PUDP: variants seen among roughly 807,000 people sequenced by gnomAD.
PUDP encodes pseudouridine-5'-phosphatase.
In PUDP, 8 loss-of-function variants were observed where a neutral mutation model predicts 9.4. The ratio of observed to expected loss-of-function variants is 0.85; its 90% CI spans 0.50 to 1.53. The LOEUF (loss-of-function observed/expected upper bound fraction) is 1.53, where lower values mean the gene tolerates loss of function less well. Ranked by LOEUF, PUDP falls within the 40% of genes most tolerant of loss-of-function variation. The pLI, the probability that PUDP is intolerant of heterozygous loss-of-function variation, is 0.00. For synonymous variants in PUDP, 99 were observed against 80.7 expected (o/e 1.23, Z -1.22); for missense variants, 188 against 189.7 (o/e 0.99, Z 0.05).
At chrX:6,729,663 C>T (rs1370612320) in intron 3 of PUDP, among the ~76,000 whole-genome samples, 1 of 111,651 alleles carries the variant, frequency 9.0e-6, no homozygotes, top group African/African-American at 3.3e-5. Context: ...CCCACACATA[C>T]ACACACACTC....
At chrX:6,957,819 G>C (rs925425607) in intron 3 of PUDP, among the ~76,000 whole-genome samples, 1 of 112,122 alleles carries the variant, frequency 8.9e-6, no homozygotes, top group Non-Finnish European at 1.9e-5. Context: ...GAACTTGTTA[G>C]AGATTACTTA....
chrX:7,036,604 A>G (rs1020786106), intron 1 of PUDP, among the ~76,000 whole-genome samples: 1 of 103,213 alleles, frequency 9.7e-6, no homozygotes, highest in African/African-American at 3.6e-5. Context: ...TCACATGCTC[A>G]TTTTTTCTTC....
chrX:6,806,472 C>T (rs1926052038), intron 3 of PUDP, among the ~76,000 whole-genome samples: 1 of 111,437 alleles, frequency 9.0e-6, no homozygotes, highest in African/African-American at 3.3e-5. Flanking sequence ...TACAGGTGCA[C>T]ATCAACACAT....
At chrX:6,900,482 A>G (rs1387558907) in intron 3 of PUDP, among the ~76,000 whole-genome samples, 2 of 102,851 alleles carry the variant, frequency 1.9e-5, no homozygotes, top group Non-Finnish European at 4.0e-5. Context: ...GTTTTACAAA[A>G]GAGCAAGAAA....
chrX:6,895,381 A>T (rs1027973784), intron 3 of PUDP, among the ~76,000 whole-genome samples: 1 of 93,821 alleles, frequency 1.1e-5, no homozygotes, highest in Non-Finnish European at 2.2e-5. Context: ...TTTATTTATT[A>T]TACTATTACT....
chrX:7,040,300 C>A (rs769470714), intron 1 of PUDP, among the ~76,000 whole-genome samples: 1 of 111,692 alleles, frequency 9.0e-6, no homozygotes, highest in Admixed American at 9.4e-5. Flanking sequence ...TGTGCCTACC[C>A]GGAGCTGGGG....
chrX:6,915,354 G>A (rs1302281230), intron 3 of PUDP, among the ~76,000 whole-genome samples: 1 of 111,838 alleles, frequency 8.9e-6, no homozygotes, highest in Non-Finnish European at 1.9e-5. Context: ...TATTTTGAAC[G>A]AATTTATGAA....
At chrX:6,724,910 T>A (rs1174184821), upstream of PUDP, among the ~76,000 whole-genome samples, 2 of 111,855 alleles carry the variant, frequency 1.8e-5, no homozygotes, top group African/African-American at 6.5e-5. Flanking sequence ...TCTGGCAGCA[T>A]GGAGCACTCT....
chrX:6,866,381 A>C (rs1035253521), intron 3 of PUDP, among the ~76,000 whole-genome samples: 2 of 111,125 alleles, frequency 1.8e-5, no homozygotes, highest in African/African-American at 3.3e-5. Flanking sequence ...TTTTTAATTC[A>C]ATGTTTGCTA....
chrX:7,000,149 G>GAA (rs1929306213), intron 1 of PUDP, among the ~76,000 whole-genome samples: 2 of 110,105 alleles, frequency 1.8e-5, no homozygotes, highest in Non-Finnish European at 3.8e-5. Context: ...AAGAGAGAGA[G>GAA]AGAGAGAGAA....
At chrX:6,941,189 AG>A (rs1928392898) in intron 3 of PUDP, among the ~76,000 whole-genome samples, 1 of 111,201 alleles carries the variant, frequency 9.0e-6, no homozygotes, top group South Asian at 3.8e-4. Flanking sequence ...TGACATGGTC[AG>A]TGGAGATTTT....
chrX:7,032,171 T>C (rs1372397970), intron 1 of PUDP, among the ~76,000 whole-genome samples: 26 of 112,402 alleles, frequency 2.3e-4, no homozygotes, highest in African/African-American at 8.1e-4. Context: ...TTATTAGTTA[T>C]CAAGGAAATA....
chrX:7,112,270 A>G (rs1932073043), intron 1 of PUDP, among the ~76,000 whole-genome samples: 1 of 112,250 alleles, frequency 8.9e-6, no homozygotes. Flanking sequence ...GGATTTGATT[A>G]CGGGTGCTGC....
At chrX:7,130,068 CATGGTGCATCCCATGGTTA>C (rs1932579831) in intron 1 of PUDP, among the ~76,000 whole-genome samples, 1 of 111,713 alleles carries the variant, frequency 9.0e-6, no homozygotes, top group African/African-American at 3.3e-5. Context: ...GTTTGGAAAT[CATGGTGCATCCCATGGTTA>C]AATAATCTCC....
intron 3 of PUDP, among the ~76,000 whole-genome samples, chrX:6,844,285 T>C (rs1363775848): frequency 8.8e-6 from 1 of 113,156 alleles, no homozygotes; most frequent in Non-Finnish European, 1.9e-5. Context: ...GCAGCCTTAA[T>C]TCCTCCTTGC....
chrX:6,723,479 G>A (rs1924700449), upstream of PUDP, among the ~76,000 whole-genome samples: 1 of 100,560 alleles, frequency 9.9e-6, no homozygotes, highest in Non-Finnish European at 2.0e-5. Flanking sequence ...AAAACAAGTG[G>A]CATAAATATA....
At chrX:7,034,038 C>T (rs1929823614) in intron 1 of PUDP, among the ~76,000 whole-genome samples, 2 of 111,901 alleles carry the variant, frequency 1.8e-5, no homozygotes, top group Admixed American at 1.9e-4. Context: ...GAGTCAGGGT[C>T]CTCAGAGGAC....
intron 1 of PUDP, chrX:7,147,775 G>A (rs1198250390): frequency 7.9e-5 from 9 of 114,315 alleles, no homozygotes; most frequent in African/African-American, 2.9e-4. Flanking sequence ...GCTCCCACGT[G>A]CTCCGGCCCC....
intron 3 of PUDP, among the ~76,000 whole-genome samples, chrX:6,795,100 G>T (rs1309463716): frequency 3.7e-5 from 4 of 108,203 alleles, no homozygotes; most frequent in Non-Finnish European, 7.7e-5. Flanking sequence ...ACATAACTTT[G>T]TCTAGGCCTA....
Sources: gnomAD v4.1 joint callset for allele counts (sites outside exome capture counted in the v4.1 genomes callset) on GRCh38, gnomAD v4.1.1 for gene constraint, MANE v1.5 for transcripts, NCBI Gene and HGNC (gene_info 2026-07-23, HGNC 2026-07-21) for gene names.